The following NMD3 variants were observed in gnomAD, a reference collection of about 807,000 sequenced individuals.
The protein encoded by NMD3 is 60S ribosomal export protein NMD3.
Under a neutral mutation model 73.1 loss-of-function variants are expected in NMD3, and 47 were observed. The observed-to-expected ratio is 0.64, with a 90% CI of 0.51 to 0.82. The LOEUF is 0.82. Ranked by LOEUF, NMD3 falls within the 40% of genes least tolerant of loss-of-function variation. NMD3 has a pLI of 0.00. For missense variants in NMD3, 554 were observed against 612.5 expected, an observed-to-expected ratio of 0.90 and a Z score of 1.01; for synonymous variants, 210 against 194.5, an observed-to-expected ratio of 1.08 and a Z score of -0.66.
rs747487158 is a variant in NMD3, at chr3:161,242,543, C to G, written c.907C>G (p.Pro303Ala). 22 of 1,613,146 alleles carry G rather than the reference C, an allele frequency of 1.4e-5. No individual in the cohort carries two copies. The highest frequency in any genetic ancestry group is 1.6e-4 in the Middle Eastern group (1 of 6,072). The stretch of plus-strand genomic sequence containing the variant: ...TGATGGGAGCACTTTCTGGAGTCAC[C>G]CTTTCAATAGTTTATGTCATCCCAA... Reference protein sequence around the residue: ...DIDGSTFWSHPFNSLCHPKQL... With the variant: ...DIDGSTFWSHAFNSLCHPKQL... The change falls in exon 11 of 16, where the codon CCT becomes GCT. Residue 303 changes from proline (P) to alanine (A), a missense_variant. Pro to Ala is a conservative substitution (Grantham distance 27). Coordinates refer to ENST00000351193, the MANE Select transcript of NMD3 (RefSeq NM_015938.5).
intron 4 of NMD3, among the ~76,000 whole-genome samples, chr3:161,231,389 G>A (rs1392014012): frequency 1.3e-5 from 2 of 152,112 alleles, no homozygotes; most frequent in Non-Finnish European, 2.9e-5. Flanking sequence ...ATAGGAAGGT[G>A]GATAATATTT....
At chr3:161,237,127 G>C (rs768693428) in intron 7 of NMD3, among the ~76,000 whole-genome samples, 6 of 152,062 alleles carry the variant, frequency 3.9e-5, no homozygotes, top group Non-Finnish European at 5.9e-5. Flanking sequence ...TTCCTTTCTT[G>C]ATTTCTAGTG....
chr3:161,237,823 C>A (rs1230257349), intron 7 of NMD3, among the ~76,000 whole-genome samples: 1 of 152,094 alleles, frequency 6.6e-6, no homozygotes, highest in Non-Finnish European at 1.5e-5. Context: ...CCACCGCACC[C>A]GGCTGTTCAT....
rs199562125 is a variant in NMD3, at chr3:161,246,431, C to T, written c.1113C>T (p.Pro371=). The T allele has an allele frequency of 6.5e-5, 96 of 1,474,382 alleles. No individual in the cohort carries two copies. Among genetic ancestry groups the T allele is most frequent in the African/African-American group, 9.6e-5 (7 of 72,928 alleles). The allele number at this position is 1,474,382 out of a possible 1,614,324, so 91.3% of individuals were successfully genotyped here. Residue 371 remains proline, a synonymous_variant, in exon 12 of 16, where the codon CCC becomes CCT. Transcript: ENST00000351193. ...CTCATTTGGGACATCTTCTAAATCC[C>T]GGAGACCTGGTGTTAGGGTTTGTAT... ...CRTHLGHLLN[P]GDLVLGFDLA...
At position 161,242,630 on chromosome 3, in the gene NMD3, G is replaced by T; in HGVS notation, c.994G>T (p.Gly332Cys). The change falls in exon 11 of 16, where the codon GGT becomes TGT. Residue 332 changes from glycine to cysteine, a missense_variant. Transcript: ENST00000351193. ...AGTCCAAGATATAAAACGTGCTGCA[G>T]GTGCTGGAATGATATCAAAAAAGGT... The part of the protein sequence containing the change: ...SIVQDIKRAA[G>C]AGMISKKHTL... 6.2e-7 allele frequency: 1 copy of T among 1,612,144 alleles called. No homozygotes were observed. Among genetic ancestry groups the T allele is most frequent in the Non-Finnish European group, 8.5e-7 (1 of 1,178,906 alleles).
intron 7 of NMD3, among the ~76,000 whole-genome samples, chr3:161,237,402 C>T (rs1457522652): frequency 6.6e-6 from 1 of 151,904 alleles, no homozygotes; most frequent in Admixed American, 6.6e-5. Flanking sequence ...CTATTCTAGT[C>T]CTTCACAATG....
At chr3:161,247,416 T>A (rs1459860112) in intron 13 of NMD3, 86 bp downstream of exon 13, 3 of 709,048 alleles carry the variant, frequency 4.2e-6, no homozygotes, top group East Asian at 5.2e-5. Flanking sequence ...TTCACACTTT[T>A]GAAAATAACA....
At chr3:161,243,555 C>A (rs561268126) in intron 11 of NMD3, among the ~76,000 whole-genome samples, 23 of 152,216 alleles carry the variant, frequency 1.5e-4, no homozygotes, top group Non-Finnish European at 3.4e-4. Context: ...TAGTCCCCTT[C>A]TTTTTTCTTT....
intron 10 of NMD3, 138 bp from the exon 11 acceptor site, chr3:161,242,370 C>G: frequency 2.9e-6 from 2 of 682,514 alleles, no homozygotes; most frequent in South Asian, 4.0e-5. Context: ...AATTGATGAC[C>G]CTAAGGAGTG....
chr3:161,230,305 C>G (rs1474814123), intron 4 of NMD3, among the ~76,000 whole-genome samples: 1 of 151,998 alleles, frequency 6.6e-6, no homozygotes, highest in Admixed American at 6.6e-5. Flanking sequence ...CTCTTTCTCT[C>G]TCTTTTTGGC....
At position 161,242,660 on chromosome 3, in the gene NMD3, T is replaced by C; in HGVS notation, c.1017+7T>C. The C allele has an allele frequency of 6.2e-7, 1 of 1,606,652 alleles. No individual in the cohort carries two copies. Among genetic ancestry groups the C allele is most frequent in the East Asian group, 2.2e-5 (1 of 44,810 alleles). ...TGGAATGATATCAAAAAAGGTAAGC[T>C]ACATCCTGCCTGCCAGTGTATTTTT... On this transcript the variant is annotated splice_region_variant and intron_variant, in intron 11 of 15. Coordinates refer to ENST00000351193, the MANE Select transcript of NMD3 (RefSeq NM_015938.5).
intron 1 of NMD3, 32 bp from the exon 2 acceptor site, chr3:161,221,958 CTTTT>C (rs376329329): frequency 6.9e-4 from 598 of 868,076 alleles, no homozygotes; most frequent in African/African-American, 4.9e-3. Flanking sequence ...CCAACATTCT[CTTTT>C]TTTTTTTTTT....
In NMD3 at chr3:161,234,545, T is replaced by A. The variant is rs1336317602; in HGVS notation, c.358-182T>A. On this transcript the variant is annotated intron_variant, in intron 5 of 15. Transcript: ENST00000351193. ...TCTAATAAATCTTAGGAATTAAATC[T>A]GTATACCGTTCTTGAAATAGTATAA... is the stretch of plus-strand genomic sequence containing the variant. Among the ~76,000 whole-genome samples, 17 of 152,062 alleles carry A rather than the reference T, an allele frequency of 1.1e-4. No individual in the cohort carries two copies. The East Asian group carries it at 2.3e-3, about 21-fold the overall frequency.
intron 7 of NMD3, among the ~76,000 whole-genome samples, chr3:161,236,982 G>T (rs998477016): frequency 1.3e-5 from 2 of 152,086 alleles, no homozygotes; most frequent in Non-Finnish European, 2.9e-5. Flanking sequence ...GACATTAAAT[G>T]TGTAATGTTC....
chr3:161,246,653 T>TA (rs1737219585), intron 12 of NMD3, among the ~76,000 whole-genome samples: 6 of 152,198 alleles, frequency 3.9e-5, no homozygotes, highest in Admixed American at 2.6e-4. Flanking sequence ...GTTATAATCT[T>TA]AAAGAGTAAT....
At chr3:161,252,798 G>C (rs1049194492), downstream of NMD3, 2 of 692,654 alleles carry the variant, frequency 2.9e-6, no homozygotes, top group East Asian at 2.7e-5. Context: ...TGCTGATTTA[G>C]AGTCAGAAGT....
chr3:161,253,427 C>T (rs546907127), downstream of NMD3: 1 of 152,214 alleles, frequency 6.6e-6, no homozygotes, highest in South Asian at 2.1e-4. Context: ...TCCCGGATAC[C>T]ATTTACCTAG....
chr3:161,232,875 A>AAG (rs1214922349), intron 4 of NMD3, among the ~76,000 whole-genome samples: 6 of 152,056 alleles, frequency 3.9e-5, no homozygotes, highest in Admixed American at 6.6e-5. Context: ...ATCTTCACAT[A>AAG]TAGCAAACTG....
intron 4 of NMD3, among the ~76,000 whole-genome samples, chr3:161,230,944 G>C (rs1212799343): frequency 6.6e-6 from 1 of 152,168 alleles, no homozygotes; most frequent in Admixed American, 6.5e-5. Flanking sequence ...AAATGCACCA[G>C]GACAGTGTTG....
Sources: allele counts gnomAD v4.1 joint callset (sites outside exome capture counted in the v4.1 genomes callset), GRCh38; gene constraint gnomAD v4.1.1; transcripts MANE v1.5; gene names NCBI Gene and HGNC (gene_info 2026-07-23, HGNC 2026-07-21).